MIR2052HG: variants seen among roughly 807,000 people sequenced by gnomAD.
The protein encoded by MIR2052HG is MIR2052 host gene.
chr8:74,686,618 C>T lies in MIR2052HG; in HGVS notation n.217-15761C>T, dbSNP rs78438307. Among the ~76,000 whole-genome samples, 760 of 152,142 alleles carry T rather than the reference C, an allele frequency of 5.0e-3. 3 individuals carry two copies. Among genetic ancestry groups the T allele is most frequent in the South Asian group, 0.016 (77 of 4,826 alleles). On this transcript the variant is annotated intron_variant and non_coding_transcript_variant, in intron 2 of 6. Transcript: ENST00000523442. ...CTTGGGTAAGTTTCTTGAATCTATT[C>T]TTCAGTTTGTTATCTGTAAAATGAT...
chr8:74,742,914 T>C (rs969193573), intron 4 of MIR2052HG, among the ~76,000 whole-genome samples: 11 of 152,148 alleles, frequency 7.2e-5, no homozygotes, highest in Non-Finnish European at 1.6e-4. Context: ...TGTCTTATTC[T>C]GGGAATCCCT....
At chr8:74,606,640 A>G (rs1163004735) in intron 1 of MIR2052HG, among the ~76,000 whole-genome samples, 2 of 152,182 alleles carry the variant, frequency 1.3e-5, no homozygotes, top group Admixed American at 6.5e-5. Flanking sequence ...ATGAGAACAC[A>G]TAGACACGTA....
At chr8:74,703,454 G>C (rs1005843769) in intron 3 of MIR2052HG, among the ~76,000 whole-genome samples, 1 of 151,956 alleles carries the variant, frequency 6.6e-6, no homozygotes, top group Non-Finnish European at 1.5e-5. Context: ...CTGGCTCCAA[G>C]CTAACAATAA....
chr8:74,738,268 C>T (rs893495555), intron 4 of MIR2052HG, among the ~76,000 whole-genome samples: 1 of 152,108 alleles, frequency 6.6e-6, no homozygotes, highest in Non-Finnish European at 1.5e-5. Context: ...CCACCAACTC[C>T]TCTCTGGCAA....
intron 2 of MIR2052HG, among the ~76,000 whole-genome samples, chr8:74,644,491 C>G (rs1046715703): frequency 2.0e-5 from 3 of 152,134 alleles, no homozygotes; most frequent in African/African-American, 4.8e-5. Flanking sequence ...CGCACAATGA[C>G]AAAATCACCT....
intron 4 of MIR2052HG, among the ~76,000 whole-genome samples, chr8:74,744,389 T>TA (rs1165343525): frequency 2.0e-5 from 3 of 152,048 alleles, no homozygotes; most frequent in Non-Finnish European, 4.4e-5. Context: ...GTTAGTTACA[T>TA]ACGTATACAT....
intron 2 of MIR2052HG, among the ~76,000 whole-genome samples, chr8:74,637,394 TTAAA>T (rs112824145): frequency 0.034 from 5,237 of 151,816 alleles, 290 homozygotes; most frequent in African/African-American, 0.12. Context: ...GGGGTGAAAA[TTAAA>T]TAAAACAAAC....
intron 4 of MIR2052HG, among the ~76,000 whole-genome samples, chr8:74,710,662 A>C (rs1428571881): frequency 6.6e-6 from 1 of 152,140 alleles, no homozygotes; most frequent in Admixed American, 6.6e-5. Context: ...TATGAAATGA[A>C]GTTTTACATA....
At chr8:74,610,754 G>C (rs968824658) in intron 1 of MIR2052HG, among the ~76,000 whole-genome samples, 2 of 151,938 alleles carry the variant, frequency 1.3e-5, no homozygotes, top group Non-Finnish European at 2.9e-5. Flanking sequence ...TTTCAATAAT[G>C]TTGCTGTAAC....
intron 2 of MIR2052HG, among the ~76,000 whole-genome samples, chr8:74,659,214 A>G (rs1808836817): frequency 6.6e-6 from 1 of 152,228 alleles, no homozygotes; most frequent in Non-Finnish European, 1.5e-5. Context: ...AGAAGACTCA[A>G]CGGGCTTCTT....
chr8:74,710,817 C>T (rs1809459808), intron 4 of MIR2052HG, among the ~76,000 whole-genome samples: 1 of 152,094 alleles, frequency 6.6e-6, no homozygotes, highest in Non-Finnish European at 1.5e-5. Context: ...TTTACTTTAT[C>T]TGATTATGAG....
At chr8:74,603,539 T>C (rs878961348) in intron 1 of MIR2052HG, 41 of 1,514,438 alleles carry the variant, frequency 2.7e-5, no homozygotes, top group South Asian at 5.6e-5. Context: ...TGAGCAGATG[T>C]ATCCAAACCT....
intron 2 of MIR2052HG, among the ~76,000 whole-genome samples, chr8:74,671,991 A>G (rs1167946008): frequency 1.3e-5 from 2 of 152,142 alleles, no homozygotes; most frequent in Non-Finnish European, 2.9e-5. Context: ...ACAAAGCAGG[A>G]TACCTTTTTA....
chr8:74,709,967 A>G (rs1809449783), intron 4 of MIR2052HG, among the ~76,000 whole-genome samples: 1 of 152,226 alleles, frequency 6.6e-6, no homozygotes, highest in Non-Finnish European at 1.5e-5. Flanking sequence ...TGCAATATGC[A>G]TCTAGTTTAA....
At chr8:74,642,933 C>T (rs142607874) in intron 2 of MIR2052HG, among the ~76,000 whole-genome samples, 2 of 152,274 alleles carry the variant, frequency 1.3e-5, no homozygotes, top group African/African-American at 4.8e-5. Flanking sequence ...TTTTATCAGA[C>T]AGGTAGAAAT....
chr8:74,664,495 CA>C (rs1473836630), intron 2 of MIR2052HG, among the ~76,000 whole-genome samples: 3 of 151,928 alleles, frequency 2.0e-5, no homozygotes, highest in Non-Finnish European at 4.4e-5. Flanking sequence ...TACACCTTAT[CA>C]ACTTTTCTTT....
At chr8:74,630,676 A>T (rs1808498666) in intron 2 of MIR2052HG, among the ~76,000 whole-genome samples, 7 of 152,198 alleles carry the variant, frequency 4.6e-5, no homozygotes, top group Admixed American at 4.6e-4. Context: ...CACTGGCTGG[A>T]CATTCCTGGC....
At chr8:74,625,938 AT>A (rs1200709893) in intron 2 of MIR2052HG, among the ~76,000 whole-genome samples, 1 of 152,208 alleles carries the variant, frequency 6.6e-6, no homozygotes, top group African/African-American at 2.4e-5. Flanking sequence ...ATGCCTTTAA[AT>A]GGTAAATTAG....
At chr8:74,746,420 A>G (rs1462208773) in intron 4 of MIR2052HG, among the ~76,000 whole-genome samples, 1 of 152,156 alleles carries the variant, frequency 6.6e-6, no homozygotes, top group Non-Finnish European at 1.5e-5. Context: ...CCAGCCCTAG[A>G]CGTCATTGAG....
Sources: allele counts gnomAD v4.1 joint callset (sites outside exome capture counted in the v4.1 genomes callset), GRCh38; gene constraint gnomAD v4.1.1; transcripts MANE v1.5; gene names NCBI Gene and HGNC (gene_info 2026-07-23, HGNC 2026-07-21).